Variants in OSBPL1A observed in about 807,000 individuals in gnomAD.
OSBPL1A encodes the protein oxysterol-binding protein-related protein 1.
In OSBPL1A, 80 loss-of-function variants were observed where a neutral mutation model predicts 137.1. The ratio of observed to expected loss-of-function variants is 0.58; its 90% CI spans 0.49 to 0.70. The LOEUF (loss-of-function observed/expected upper bound fraction) is 0.70. Ranked by LOEUF, OSBPL1A falls within the 30% of genes least tolerant of loss-of-function variation. OSBPL1A has a pLI of 0.00. For synonymous variants in OSBPL1A, 365 were observed against 389.7 expected (o/e 0.94, Z 0.75); for missense variants, 970 against 1,129.4 (o/e 0.86, Z 2.02).
chr18:24,221,889 T>C (rs2087905302), intron 17 of OSBPL1A, among the ~76,000 whole-genome samples: 1 of 152,214 alleles, frequency 6.6e-6, no homozygotes, highest in South Asian at 2.1e-4. Flanking sequence ...TAATTGTAGT[T>C]TCTGTCTGTT....
intron 4 of OSBPL1A, among the ~76,000 whole-genome samples, chr18:24,344,494 C>A (rs567199836): frequency 6.6e-6 from 1 of 152,216 alleles, no homozygotes; most frequent in East Asian, 1.9e-4. Context: ...AGGTTAAACA[C>A]GATGGGTATG....
At chr18:24,347,519 A>C (rs192145219) in intron 4 of OSBPL1A, 3 of 152,298 alleles carry the variant, frequency 2.0e-5, no homozygotes, top group African/African-American at 7.2e-5. Context: ...TTCAGGTTTC[A>C]AGATTAGAAA....
intron 17 of OSBPL1A, among the ~76,000 whole-genome samples, chr18:24,209,903 T>C (rs942522422): frequency 1.3e-5 from 2 of 152,190 alleles, no homozygotes; most frequent in African/African-American, 4.8e-5. Flanking sequence ...GAGAACATCC[T>C]GGAGTGATGG....
chr18:24,333,235 C>A (rs1248045864), intron 6 of OSBPL1A, 149 bp from the exon 7 acceptor site: 3 of 774,908 alleles, frequency 3.9e-6, no homozygotes, highest in African/African-American at 3.5e-5. Context: ...ACTAAACCAG[C>A]CAACCCTGCC....
intron 13 of OSBPL1A, among the ~76,000 whole-genome samples, chr18:24,309,333 AAACT>A (rs1185948868): frequency 6.6e-6 from 1 of 152,164 alleles, no homozygotes; most frequent in African/African-American, 2.4e-5. Flanking sequence ...TTATACTGAA[AAACT>A]AACTCACTCT....
chr18:24,188,986 C>G (rs1462992061), intron 18 of OSBPL1A, among the ~76,000 whole-genome samples: 1 of 152,134 alleles, frequency 6.6e-6, no homozygotes, highest in African/African-American at 2.4e-5. Context: ...TTATGAAGAC[C>G]AAGCTTCAGG....
At position 24,367,094 on chromosome 18, in the gene OSBPL1A, T is replaced by G. The variant is rs559690049; in HGVS notation, c.208-128A>C. On this transcript the variant is annotated intron_variant, in intron 3 of 27. Transcript: ENST00000319481. Reference sequence around the variant, plus strand: ...TTAGGTGTCAGTACTAACAATAAATTAAATTTAAAGTAACAATAAAAAGCC... The same window carrying G: ...TTAGGTGTCAGTACTAACAATAAATGAAATTTAAAGTAACAATAAAAAGCC... 9.7e-6 allele frequency: 7 copies of G among 723,318 alleles called. No homozygotes were observed. The South Asian group carries it at 2.5e-4, about 25-fold the overall frequency. The allele number at this position is 723,318 out of a possible 1,614,324, so 44.8% of individuals were successfully genotyped here.
chr18:24,331,607 A>G (rs998540448), intron 7 of OSBPL1A, among the ~76,000 whole-genome samples: 6 of 150,640 alleles, frequency 4.0e-5, no homozygotes, highest in Admixed American at 1.3e-4. Flanking sequence ...CGTGTTAGCC[A>G]GGATGGTCTC....
intron 4 of OSBPL1A, among the ~76,000 whole-genome samples, chr18:24,363,477 C>A (rs1398141691): frequency 3.7e-5 from 5 of 134,686 alleles, no homozygotes; most frequent in African/African-American, 1.5e-4. Context: ...GATAGAATCT[C>A]GCTGTGTTGT....
intron 18 of OSBPL1A, among the ~76,000 whole-genome samples, chr18:24,191,254 T>G (rs2086883311): frequency 6.6e-6 from 1 of 152,234 alleles, no homozygotes; most frequent in South Asian, 2.1e-4. Context: ...ATTGAGTTGT[T>G]AGCTTATAAA....
chr18:24,251,477 G>T (rs748581733), intron 15 of OSBPL1A, among the ~76,000 whole-genome samples: 1 of 152,224 alleles, frequency 6.6e-6, no homozygotes, highest in Non-Finnish European at 1.5e-5. Flanking sequence ...GTAACCCAGA[G>T]AATTCTTCCA....
At chr18:24,209,133 G>T (rs529889205) in intron 17 of OSBPL1A, among the ~76,000 whole-genome samples, 17 of 152,248 alleles carry the variant, frequency 1.1e-4, no homozygotes, top group Non-Finnish European at 1.9e-4. Context: ...CATTATTAAA[G>T]AAATGAAAGG....
At position 24,166,579 on chromosome 18, in the gene OSBPL1A, C is replaced by G; in HGVS notation, c.2659G>C (p.Asp887His). ...DIRAMENGEI[D>H]QASEEKKRLE... ...GGTGGCTTTGGCGGATGCTAGTTAC[C>G]TATCTCTCCATTTTCCATGGCTCTG... The change falls in exon 26 of 28, where the codon GAT becomes CAT. Residue 887 changes from aspartate to histidine, a missense_variant and splice_region_variant. Asp to His is a moderately conservative substitution (Grantham distance 81). Transcript: ENST00000319481. 6.2e-7 allele frequency: 1 copy of G among 1,606,636 alleles called. No homozygotes were observed. Among genetic ancestry groups the G allele is most frequent in the Non-Finnish European group, 8.5e-7 (1 of 1,177,664 alleles).
At chr18:24,178,676 G>A (rs2086519590) in intron 20 of OSBPL1A, among the ~76,000 whole-genome samples, 1 of 152,182 alleles carries the variant, frequency 6.6e-6, no homozygotes, top group Admixed American at 6.5e-5. Context: ...ATCCAATGTT[G>A]TAATGCTAGC....
chr18:24,364,059 C>T (rs2091667452), intron 4 of OSBPL1A, among the ~76,000 whole-genome samples: 1 of 151,966 alleles, frequency 6.6e-6, no homozygotes, highest in South Asian at 2.1e-4. Flanking sequence ...TTTAACTTCC[C>T]CTTGCTGTGT....
At chr18:24,312,255 G>T in intron 12 of OSBPL1A, 149 bp from the exon 13 acceptor site, 1 of 789,612 alleles carries the variant, frequency 1.3e-6, no homozygotes, top group Non-Finnish European at 1.9e-6. Flanking sequence ...TAATGAAACA[G>T]CAATGTGGGT....
chr18:24,206,037 T>C (rs1167916581), intron 17 of OSBPL1A, among the ~76,000 whole-genome samples: 1 of 152,082 alleles, frequency 6.6e-6, no homozygotes, highest in African/African-American at 2.4e-5. Flanking sequence ...ACTACAGGCA[T>C]GTGCCACCGT....
intron 24 of OSBPL1A, among the ~76,000 whole-genome samples, chr18:24,168,598 T>C (rs575569031): frequency 6.6e-6 from 1 of 152,180 alleles, no homozygotes; most frequent in Admixed American, 6.5e-5. Context: ...TTTGGAAGGG[T>C]AAGTCATAGT....
intron 15 of OSBPL1A, among the ~76,000 whole-genome samples, chr18:24,279,586 A>C (rs1227238957): frequency 6.6e-6 from 1 of 152,230 alleles, no homozygotes; most frequent in Non-Finnish European, 1.5e-5. Flanking sequence ...AAGTAAACTA[A>C]AACAAGAATA....
Sources: allele counts gnomAD v4.1 joint callset (sites outside exome capture counted in the v4.1 genomes callset), GRCh38; gene constraint gnomAD v4.1.1; transcripts MANE v1.5; gene names NCBI Gene and HGNC (gene_info 2026-07-23, HGNC 2026-07-21).